ECT2L: variants seen among roughly 807,000 people sequenced by gnomAD.
ECT2L encodes the protein epithelial cell transforming 2 like, also known as epithelial cell-transforming sequence 2 oncogene-like.
ECT2L carries 126 observed loss-of-function variants against 122.8 expected under a neutral mutation model. That is an observed-to-expected ratio of 1.03 (90% CI 0.89 to 1.19). The LOEUF (loss-of-function observed/expected upper bound fraction) is 1.19. ECT2L is among the 50% of genes most tolerant of loss of function. The pLI, the probability that ECT2L is intolerant of heterozygous loss-of-function variation, is 0.00. For missense variants in ECT2L, 1,012 were observed against 1,064.1 expected (o/e 0.95, Z 0.68); for synonymous variants, 385 against 381.8 (o/e 1.01, Z -0.10).
intron 14 of ECT2L, chr6:138,879,551 T>C (rs1778577144): frequency 6.6e-6 from 1 of 152,210 alleles, no homozygotes; most frequent in African/African-American, 2.4e-5. Flanking sequence ...AAAAATTATC[T>C]AGTACCAGCA....
chr6:138,818,830 T>G (rs1318520376), intron 4 of ECT2L, among the ~76,000 whole-genome samples: 1 of 150,450 alleles, frequency 6.6e-6, no homozygotes, highest in Non-Finnish European at 1.5e-5. Context: ...AGACAACACC[T>G]GGGGGAGGGT....
chr6:138,858,245 T>G (rs1777690252), intron 10 of ECT2L, among the ~76,000 whole-genome samples: 2 of 152,142 alleles, frequency 1.3e-5, no homozygotes, highest in South Asian at 4.1e-4. Context: ...TAATTCCCAC[T>G]TGGAATCTTC....
chr6:138,895,413 T>G (rs1362423887), intron 20 of ECT2L, among the ~76,000 whole-genome samples: 1 of 152,162 alleles, frequency 6.6e-6, no homozygotes. Context: ...TTAAGTTGCC[T>G]AAAGTCATAG....
rs34579502 is a variant in ECT2L, at chr6:138,885,022, C to CTTT, written c.2029-462_2029-460dup. Among the ~76,000 whole-genome samples the CTTT allele has an allele frequency of 9.9e-3, 781 of 78,784 alleles. 14 individuals are homozygous for CTTT. The highest frequency in any genetic ancestry group is 0.018 in the African/African-American group (382 of 20,846). 51.7% of individuals were successfully genotyped at this position (78,784 alleles called of 152,430 possible). A position where few individuals can be genotyped will look rare whatever the true frequency, so the allele number is the denominator to read the frequency against. On this transcript the variant is annotated intron_variant, in intron 16 of 21. Coordinates refer to ENST00000541398, the MANE Select transcript of ECT2L (RefSeq NM_001077706.3). ...GGTCTATGTATAATTAACACACATT[C>CTTT]TTTTTTTTTTTTTTTTTTTTTTTTG...
At chr6:138,809,985 G>A (rs181269467) in intron 1 of ECT2L, among the ~76,000 whole-genome samples, 3 of 152,260 alleles carry the variant, frequency 2.0e-5, no homozygotes, top group Non-Finnish European at 2.9e-5. Context: ...GGGAAAGGTT[G>A]TAAAACTATA....
intron 10 of ECT2L, among the ~76,000 whole-genome samples, chr6:138,862,362 G>C (rs1438725447): frequency 6.6e-6 from 1 of 152,046 alleles, no homozygotes; most frequent in African/African-American, 2.4e-5. Flanking sequence ...GGCAAGAGCA[G>C]GAACAAGAGA....
At chr6:138,851,128 T>C (rs1289743735) in intron 9 of ECT2L, among the ~76,000 whole-genome samples, 1 of 151,712 alleles carries the variant, frequency 6.6e-6, no homozygotes, top group Non-Finnish European at 1.5e-5. Context: ...TTACAATCTC[T>C]ACACATCCCA....
At chr6:138,810,640 C>T (rs369842657) in intron 1 of ECT2L, among the ~76,000 whole-genome samples, 89 of 152,292 alleles carry the variant, frequency 5.8e-4, no homozygotes, top group African/African-American at 1.8e-3. Context: ...ATGATCACTG[C>T]GCCCCAGCCT....
chr6:138,865,071 C>T lies in ECT2L; in HGVS notation c.1367C>T (p.Thr456Met), dbSNP rs750301796. The T allele has an allele frequency of 2.0e-5, 32 of 1,613,992 alleles. No individual in the cohort carries two copies. Among genetic ancestry groups the T allele is most frequent in the African/African-American group, 1.9e-4 (14 of 74,938 alleles). ...TACTTCTGCGAATCGAAGCTACAGA[C>T]GTGGTCCAGCTTCACAGACTTCCTA... ...SIYFCESKLQ[T>M]WSSFTDFLEE... Residue 456 changes from threonine to methionine, a missense_variant, in exon 12 of 22, where the codon ACG becomes ATG. Coordinates refer to ENST00000541398, the MANE Select transcript of ECT2L (RefSeq NM_001077706.3).
In ECT2L at chr6:138,846,606, A is replaced by G. The variant is rs750389768; in HGVS notation, c.832A>G (p.Asn278Asp). The change falls in exon 8 of 22, where the codon AAT (asparagine) becomes GAT (aspartate). Residue 278 changes from asparagine to aspartate, a missense_variant. Physicochemically the swap from Asn to Asp is conservative, Grantham distance 23. Coordinates refer to ENST00000541398, the MANE Select transcript of ECT2L (RefSeq NM_001077706.3). ...SKKNWHGVHK[N>D]DDRSSYALRP... ...GAAAAATTGGCATGGAGTTCATAAA[A>G]ATGATGACAGATCTTCATATGCTCT... is the stretch of plus-strand genomic sequence containing the variant. 1 of 1,611,548 alleles carries G rather than the reference A, an allele frequency of 6.2e-7. No homozygotes were observed. The highest frequency in any genetic ancestry group is 1.7e-4 in the Middle Eastern group (1 of 6,046).
rs1483311731 is a variant in ECT2L at position 138,876,459 on chromosome 6, A to G, written c.1579-13A>G. ...ACCTGCCTCCAATAACCAAGTTTCC[A>G]TTCAATCTTCAGGAAAGAAATGTTG... On this transcript the variant is annotated splice_polypyrimidine_tract_variant and intron_variant, in intron 13 of 21. Transcript: ENST00000541398. 2.5e-6 allele frequency: 4 copies of G among 1,598,004 alleles called. No individual in the cohort carries two copies. The highest frequency in any genetic ancestry group is 2.2e-5 in the East Asian group (1 of 44,788).
At position 138,854,096 on chromosome 6, in the gene ECT2L, T is replaced by C; in HGVS notation, c.1140T>C (p.Tyr380=). The part of the protein sequence containing the change: ...VRDFWEKLGS[Y]VATEEEGGHV... ...ATTTCTGGGAGAAATTAGGAAGCTA[T>C]GTGGCCACTGAAGAAGAAGGGGGTC... The change falls in exon 10 of 22, where the codon TAT becomes TAC. Residue 380 remains tyrosine (Y), a synonymous_variant. Transcript: ENST00000541398. The C allele has an allele frequency of 6.2e-7, 1 of 1,614,194 alleles. No homozygotes were observed.
chr6:138,847,410 G>A (rs1236579678), intron 8 of ECT2L, among the ~76,000 whole-genome samples: 5 of 114,184 alleles, frequency 4.4e-5, no homozygotes, highest in African/African-American at 7.3e-5. Flanking sequence ...TCACTCTGTC[G>A]CCCAGGCTGG....
intron 14 of ECT2L, among the ~76,000 whole-genome samples, chr6:138,877,434 A>C (rs1255594729): frequency 6.6e-6 from 1 of 152,238 alleles, no homozygotes. Context: ...CAAGATAACA[A>C]CACAAGGTTT....
At chr6:138,884,962 T>C (rs2128408762) in intron 16 of ECT2L, among the ~76,000 whole-genome samples, 1 of 152,142 alleles carries the variant, frequency 6.6e-6, no homozygotes, top group East Asian at 1.9e-4. Context: ...ACATTCTTAT[T>C]TGTCTATACT....
Position 138,805,690 on chromosome 6 carries a change from T to C in ECT2L, c.-243-7148T>C, listed in dbSNP as rs1775689574. Among the ~76,000 whole-genome samples, 5 of 152,250 alleles carry C rather than the reference T, an allele frequency of 3.3e-5. No homozygotes were observed. In the East Asian group the frequency reaches 9.7e-4, roughly 29 times the overall value. ...GAAACAGCTGGGGGCTGGCTCAAAC[T>C]CTCTCCATATGGTCTCTTGTCATCC... On this transcript the variant is annotated intron_variant, in intron 1 of 21. Coordinates refer to ENST00000541398, the MANE Select transcript of ECT2L (RefSeq NM_001077706.3).
rs1777720763 is a variant in ECT2L at position 138,858,910 on chromosome 6, G to A, written c.1199-3717G>A. Among the ~76,000 whole-genome samples, 3 of 151,922 alleles carry A rather than the reference G, an allele frequency of 2.0e-5. No homozygotes were observed. In the South Asian group the frequency reaches 6.2e-4, roughly 32 times the overall value. ...TTTAGTAGAGACAGGGTCTCCCTAT[G>A]TTTCCCAGGCTCGTCTTGAGCTCCT... On this transcript the variant is annotated intron_variant, in intron 10 of 21. Transcript: ENST00000541398.
intron 4 of ECT2L, chr6:138,822,744 G>T: frequency 9.4e-6 from 15 of 1,589,010 alleles, no homozygotes; most frequent in Non-Finnish European, 1.3e-5. Context: ...TGAGATTGGA[G>T]CCATGGCTTT....
At chr6:138,895,763 G>A (rs555375579) in intron 20 of ECT2L, among the ~76,000 whole-genome samples, 72 of 152,052 alleles carry the variant, frequency 4.7e-4, no homozygotes, top group Non-Finnish European at 7.4e-5. Context: ...TAGTAGAGAT[G>A]GGTTTCACCA....
Sources: gnomAD v4.1 joint callset for allele counts (sites outside exome capture counted in the v4.1 genomes callset) on GRCh38, gnomAD v4.1.1 for gene constraint, MANE v1.5 for transcripts, NCBI Gene and HGNC (gene_info 2026-07-23, HGNC 2026-07-21) for gene names.